The following BUD23 variants were observed in gnomAD, a reference collection of about 807,000 sequenced individuals.
BUD23 encodes the protein BUD23 rRNA methyltransferase and ribosome maturation factor, also known as 18S rRNA (guanine-N(7))-methyltransferase.
Under a neutral mutation model 47.0 loss-of-function variants are expected in BUD23, and 34 were observed. The ratio of observed to expected loss-of-function variants is 0.72; its 90% CI spans 0.55 to 0.96. The LOEUF (loss-of-function observed/expected upper bound fraction) is 0.96. BUD23 is among the 40% of genes least tolerant of loss of function. The probability of loss-of-function intolerance (pLI) is 0.00; values close to 1 mark genes in which losing one functional copy is unlikely to be tolerated. For synonymous variants in BUD23, 124 were observed against 132.0 expected (o/e 0.94, Z 0.41); for missense variants, 343 against 361.2 (o/e 0.95, Z 0.41).
Position 73,692,666 on chromosome 7 carries a change from G to A in BUD23, c.510+20G>A, listed in dbSNP as rs2116695995. Reference sequence around the variant, plus strand: ...GAGCAGGTGAGTCCCTCGGCTACTGGGTGTGCCGGGGAGTTGGGGGACTCA... The same window carrying A: ...GAGCAGGTGAGTCCCTCGGCTACTGAGTGTGCCGGGGAGTTGGGGGACTCA... On this transcript the variant is annotated intron_variant, in intron 7 of 11. Transcript: ENST00000265758. The A allele has an allele frequency of 6.2e-7, 1 of 1,609,726 alleles. No individual in the cohort carries two copies. The highest frequency in any genetic ancestry group is 8.5e-7 in the Non-Finnish European group (1 of 1,176,524).
At chr7:73,690,224 C>G (rs1470699771) in intron 5 of BUD23, among the ~76,000 whole-genome samples, 1 of 152,084 alleles carries the variant, frequency 6.6e-6, no homozygotes, top group Non-Finnish European at 1.5e-5. Context: ...AGGCTGGTCT[C>G]GAACTCCTGA....
At position 73,683,638 on chromosome 7, in the gene BUD23, G is replaced by T; in HGVS notation, c.13G>T (p.Gly5Cys). ...CTGAGGCGTGAGAATGGCGTCCCGCGGCCGGCGTCCGGAGCATGGCGGACC... is the reference window on the plus strand; with the variant it reads ...CTGAGGCGTGAGAATGGCGTCCCGCTGCCGGCGTCCGGAGCATGGCGGACC... MASR[G>C]RRPEHGGPPE... The change falls in exon 1 of 12, where the codon GGC (glycine) becomes TGC (cysteine). Residue 5 changes from glycine (G) to cysteine (C), a missense_variant. Coordinates refer to ENST00000265758, the MANE Select transcript of BUD23 (RefSeq NM_017528.5). 6.2e-7 allele frequency: 1 copy of T among 1,611,608 alleles called. No individual in the cohort carries two copies.
At chr7:73,697,550 C>T (rs147472701) in intron 10 of BUD23, 55 bp from the exon 11 acceptor site, 174 of 1,612,296 alleles carry the variant, frequency 1.1e-4, no homozygotes, top group African/African-American at 4.1e-4. Flanking sequence ...GGGGGCCAGT[C>T]GGGCAGCCCC....
chr7:73,691,117 T>C (rs992592667), intron 6 of BUD23, 105 bp downstream of exon 6: 8 of 970,774 alleles, frequency 8.2e-6, no homozygotes, highest in African/African-American at 6.5e-5. Flanking sequence ...AAGCTACTCA[T>C]ATGGGACCGC....
intron 2 of BUD23, among the ~76,000 whole-genome samples, chr7:73,685,580 A>G (rs1331865792): frequency 1.3e-5 from 2 of 152,032 alleles, no homozygotes; most frequent in African/African-American, 4.8e-5. Context: ...TAGTTTGTGT[A>G]ATTTTTTTGT....
At chr7:73,685,094 G>T (rs1400038539) in intron 2 of BUD23, among the ~76,000 whole-genome samples, 2 of 151,996 alleles carry the variant, frequency 1.3e-5, no homozygotes, top group African/African-American at 4.8e-5. Context: ...ATCACCTGAG[G>T]TCAGGAATTC....
chr7:73,685,164 C>T (rs1241172948), intron 2 of BUD23, among the ~76,000 whole-genome samples: 4 of 151,984 alleles, frequency 2.6e-5, no homozygotes, highest in East Asian at 1.9e-4. Flanking sequence ...AGATATTAGC[C>T]GGGCCTACGG....
chr7:73,693,552 G>C lies in BUD23; in HGVS notation c.597-72G>C, dbSNP rs782281706. 95 of 1,604,642 alleles carry C rather than the reference G, an allele frequency of 5.9e-5. 1 individual carries two copies. Among genetic ancestry groups the C allele is most frequent in the Middle Eastern group, 1.7e-4 (1 of 5,938 alleles). ...CCAGGCAGGCGGAGGGGGTGCGGGT[G>C]GGGGAGCTGAGGGCTTGTCTCCCTG... is the stretch of plus-strand genomic sequence containing the variant. On this transcript the variant is annotated intron_variant, in intron 8 of 11. Coordinates refer to ENST00000265758, the MANE Select transcript of BUD23 (RefSeq NM_017528.5).
chr7:73,694,081 G>A (rs782802211), intron 10 of BUD23, 31 bp downstream of exon 10: 1 of 1,590,380 alleles, frequency 6.3e-7, no homozygotes, highest in Non-Finnish European at 8.5e-7. Context: ...TGCCCCGGCT[G>A]CAGCGGGGGC....
chr7:73,694,150 A>T (rs1220821302), intron 10 of BUD23, 100 bp downstream of exon 10: 68 of 1,255,608 alleles, frequency 5.4e-5, no homozygotes, highest in Non-Finnish European at 7.3e-5. Context: ...CTCAGGTCAC[A>T]TGCAGCAGGG....
intron 5 of BUD23, among the ~76,000 whole-genome samples, chr7:73,687,989 G>A (rs1274232883): frequency 1.3e-5 from 2 of 149,102 alleles, no homozygotes; most frequent in African/African-American, 2.5e-5. Flanking sequence ...TCCGCCTCCC[G>A]GGTTCAAGCC....
chr7:73,693,738 GAGCCT>G, intron 9 of BUD23, 69 bp downstream of exon 9: 1 of 1,590,242 alleles, frequency 6.3e-7, no homozygotes, highest in Non-Finnish European at 8.6e-7. Context: ...TCAGCCTGCA[GAGCCT>G]GCTGGGAGAA....
intron 2 of BUD23, chr7:73,684,084 G>T: frequency 8.9e-7 from 1 of 1,124,874 alleles, no homozygotes; most frequent in Non-Finnish European, 1.2e-6. Context: ...TAAAAGAGGC[G>T]CTGGGCGGTG....
intron 7 of BUD23, 170 bp downstream of exon 7, chr7:73,692,816 C>T (rs1798245146): frequency 1.6e-6 from 1 of 623,384 alleles, no homozygotes; most frequent in South Asian, 2.2e-5. Flanking sequence ...AAGGGGGTGG[C>T]ATCTGCGGAG....
In BUD23 at chr7:73,697,825, T is replaced by C; in HGVS notation, c.792-7T>C. On this transcript the variant is annotated splice_region_variant and splice_polypyrimidine_tract_variant and intron_variant, in intron 11 of 11. Transcript: ENST00000265758. ...TTCTGAGACTGTCCTATTCCTTTTCTGCACAGGGAAGTCAGACCTGACACC... is the reference window on the plus strand; with the variant it reads ...TTCTGAGACTGTCCTATTCCTTTTCCGCACAGGGAAGTCAGACCTGACACC... 1 of 1,613,718 alleles carries C rather than the reference T, an allele frequency of 6.2e-7. No homozygotes were observed. The highest frequency in any genetic ancestry group is 8.5e-7 in the Non-Finnish European group (1 of 1,179,920).
rs782488791 is a variant in BUD23 at position 73,683,832 on chromosome 7, G to A, written c.86+28G>A. On this transcript the variant is annotated intron_variant, in intron 2 of 11. Coordinates refer to ENST00000265758, the MANE Select transcript of BUD23 (RefSeq NM_017528.5). ...GAGGGGAGCCTGAATACTGCGGGGC[G>A]TCCGGGGGTCGGGAAGCGGCAAGTT... 2.0e-5 allele frequency: 32 copies of A among 1,614,188 alleles called. No individual in the cohort carries two copies. The East Asian group carries it at 6.9e-4, about 35-fold the overall frequency.
At chr7:73,695,923 C>T (rs1798384999) in intron 10 of BUD23, 1 of 152,188 alleles carries the variant, frequency 6.6e-6, no homozygotes, top group Non-Finnish European at 1.5e-5. Context: ...CATACACATA[C>T]CAGTTGACTT....
chr7:73,696,011 CTT>C (rs1225669172), intron 10 of BUD23: 1 of 152,046 alleles, frequency 6.6e-6, no homozygotes, highest in Non-Finnish European at 1.5e-5. Flanking sequence ...AAAATAGTGT[CTT>C]GTTAGTAAAA....
intron 5 of BUD23, among the ~76,000 whole-genome samples, chr7:73,690,035 G>A (rs1798131291): frequency 6.6e-6 from 1 of 152,060 alleles, no homozygotes; most frequent in Non-Finnish European, 1.5e-5. Context: ...TTGAGATGGA[G>A]TCTTGCTCTG....
Sources: gnomAD v4.1 joint callset for allele counts (sites outside exome capture counted in the v4.1 genomes callset) on GRCh38, gnomAD v4.1.1 for gene constraint, MANE v1.5 for transcripts, NCBI Gene and HGNC (gene_info 2026-07-23, HGNC 2026-07-21) for gene names.